Variants in ASIC3 observed in about 807,000 individuals in gnomAD.
ASIC3 encodes the protein acid-sensing ion channel 3.
ASIC3 carries 46 observed loss-of-function variants against 58.6 expected under a neutral mutation model. The observed-to-expected ratio is 0.79, with a 90% CI of 0.62 to 1.00. The LOEUF (loss-of-function observed/expected upper bound fraction) is 1.00. Ranked by LOEUF, ASIC3 falls within the 50% of genes least tolerant of loss-of-function variation. The pLI is 0.00. For missense variants in ASIC3, 770 were observed against 735.0 expected, an observed-to-expected ratio of 1.05 and a Z score of -0.55; for synonymous variants, 336 against 300.2, an observed-to-expected ratio of 1.12 and a Z score of -1.23.
chr7:151,048,738 T>C lies in ASIC3; in HGVS notation c.-148T>C. 1 of 989,038 alleles carries C rather than the reference T, an allele frequency of 1.0e-6. No homozygotes were observed. The highest frequency in any genetic ancestry group is 2.4e-5 in the Admixed American group (1 of 42,236). 61.3% of individuals were successfully genotyped at this position (989,038 alleles called of 1,614,324 possible). A position where few individuals can be genotyped will look rare whatever the true frequency, so the allele number is the denominator to read the frequency against. ...CAATCCTGCCAGGCTAGTGCCTCCC[T>C]GCCTTCCAACCTTGGCTGTCTCCCA... On this transcript the variant is annotated 5_prime_UTR_variant, in exon 1 of 11. Transcript: ENST00000349064.
In ASIC3 at chr7:151,052,679, C is replaced by A; in HGVS notation, c.*27C>A. 1 of 1,614,138 alleles carries A rather than the reference C, an allele frequency of 6.2e-7. No homozygotes were observed. The highest frequency in any genetic ancestry group is 8.5e-7 in the Non-Finnish European group (1 of 1,180,004). On this transcript the variant is annotated 3_prime_UTR_variant, in exon 11 of 11. Transcript: ENST00000349064. This position sits in a 1 kb window ranked among gnomAD's most constrained non-coding sequence, Gnocchi z 5.0. ...CCTGCTGTCTGTGTCCTCGGAGCCC[C>A]GCCCTGACATCCTGGACATGCCTAG...
chr7:151,048,920 G>A lies in ASIC3; in HGVS notation c.35G>A (p.Arg12Gln), dbSNP rs532400592. The A allele has an allele frequency of 7.6e-5, 118 of 1,562,004 alleles. 1 individual carries two copies. The South Asian group carries it at 1.1e-3, about 15-fold the overall frequency. The change falls in exon 1 of 11, where the codon CGG (arginine) becomes CAG (glutamine). Residue 12 changes from arginine (R) to glutamine (Q), a missense_variant. Arg to Gln is a conservative substitution (Grantham distance 43). Coordinates refer to ENST00000349064, the MANE Select transcript of ASIC3 (RefSeq NM_004769.4). Reference protein sequence around the residue: ...KPTSGPEEARRPASDIRVFAS... With the variant: ...KPTSGPEEARQPASDIRVFAS... ...ACCTCAGGCCCAGAGGAGGCCCGGCGGCCAGCCTCGGACATCCGCGTGTTC... is the reference window on the plus strand; with the variant it reads ...ACCTCAGGCCCAGAGGAGGCCCGGCAGCCAGCCTCGGACATCCGCGTGTTC...
chr7:151,052,610 C>T lies in ASIC3; in HGVS notation c.1554C>T (p.Leu518=), dbSNP rs3192795. The T allele has an allele frequency of 4.3e-6, 7 of 1,613,980 alleles. No homozygotes were observed. The highest frequency in any genetic ancestry group is 4.2e-6 in the Non-Finnish European group (5 of 1,180,004). The part of the protein sequence containing the change: ...PTPPCAVTKT[L]SASHRTCYLV... Reference sequence around the variant, plus strand: ...CTCCCTGTGCCGTCACCAAGACTCTCTCCGCCTCCCACCGCACCTGCTACC... The same window carrying T: ...CTCCCTGTGCCGTCACCAAGACTCTTTCCGCCTCCCACCGCACCTGCTACC... Residue 518 remains leucine, a synonymous_variant, in exon 11 of 11, where the codon CTC becomes CTT. Coordinates refer to ENST00000349064, the MANE Select transcript of ASIC3 (RefSeq NM_004769.4). This position sits in a 1 kb window ranked among gnomAD's most constrained non-coding sequence, Gnocchi z 5.0.
intron 1 of ASIC3, among the ~76,000 whole-genome samples, chr7:151,049,885 G>A (rs1356974519): frequency 6.6e-6 from 1 of 152,238 alleles, no homozygotes; most frequent in East Asian, 1.9e-4. Flanking sequence ...TGTAGGCTGT[G>A]CCCTGGGCTT....
Position 151,052,527 on chromosome 7 carries a change from C to T in ASIC3, c.1518-47C>T, listed in dbSNP as rs1796808551. ...AGGGAGGGCAGGGGCAGGCTCAGGACAGTGGGTGTGCCCGTTCCCACCCCA... is the reference window on the plus strand; with the variant it reads ...AGGGAGGGCAGGGGCAGGCTCAGGATAGTGGGTGTGCCCGTTCCCACCCCA... On this transcript the variant is annotated intron_variant, in intron 10 of 10. Coordinates refer to ENST00000349064, the MANE Select transcript of ASIC3 (RefSeq NM_004769.4). This position sits in a 1 kb window ranked among gnomAD's most constrained non-coding sequence, Gnocchi z 5.0. The T allele has an allele frequency of 6.2e-7, 1 of 1,613,702 alleles. No individual in the cohort carries two copies.
chr7:151,051,627 A>C (rs912950371), intron 6 of ASIC3, among the ~76,000 whole-genome samples, 183 bp from the exon 7 acceptor site: 1 of 151,612 alleles, frequency 6.6e-6, no homozygotes, highest in Non-Finnish European at 1.5e-5. Flanking sequence ...GGCTGGTCTC[A>C]AACTCCTGGC....
At chr7:151,050,700 C>T (rs1796749478) in intron 3 of ASIC3, 58 bp from the exon 4 acceptor site, 1 of 1,605,438 alleles carries the variant, frequency 6.2e-7, no homozygotes, top group African/African-American at 1.3e-5. Flanking sequence ...CTAGGGGCCT[C>T]TCCCCAGCTG....
In ASIC3 at chr7:151,051,166, C is replaced by T. The variant is rs367577120; in HGVS notation, c.1067-6C>T. ...CGGGCGTCTGACGCGGCCCGGTGGC[C>T]CGCAGATGCCATGCTTCGCAAGGAC... is the stretch of plus-strand genomic sequence containing the variant. On this transcript the variant is annotated splice_polypyrimidine_tract_variant and splice_region_variant and intron_variant, in intron 5 of 10. Transcript: ENST00000349064. The T allele has an allele frequency of 4.4e-6, 7 of 1,594,920 alleles. No individual in the cohort carries two copies. Among genetic ancestry groups the T allele is most frequent in the African/African-American group, 4.0e-5 (3 of 74,442 alleles).
rs535528995 is a variant in ASIC3, at chr7:151,051,517, T to G, written c.1214+198T>G. On this transcript the variant is annotated intron_variant, in intron 6 of 10. Transcript: ENST00000349064. The stretch of plus-strand genomic sequence containing the variant: ...GCTGACGCCTCCTCCCAGGGGTCTG[T>G]TTTTTTTTCCTTTCCTTTTATTTTT... Among the ~76,000 whole-genome samples, 742 of 149,482 alleles carry G rather than the reference T, an allele frequency of 5.0e-3. 5 individuals carry two copies. The highest frequency in any genetic ancestry group is 0.017 in the African/African-American group (697 of 40,404).
In ASIC3 at chr7:151,048,747, A is replaced by T. The variant is rs1019433519; in HGVS notation, c.-139A>T. 16 of 1,094,650 alleles carry T rather than the reference A, an allele frequency of 1.5e-5. No individual in the cohort carries two copies. The highest frequency in any genetic ancestry group is 7.0e-5 in the Admixed American group (3 of 42,602). 67.8% of individuals were successfully genotyped at this position (1,094,650 alleles called of 1,614,324 possible). A position where few individuals can be genotyped will look rare whatever the true frequency, so the allele number is the denominator to read the frequency against. ...CAGGCTAGTGCCTCCCTGCCTTCCA[A>T]CCTTGGCTGTCTCCCACCCTCTCTT... On this transcript the variant is annotated 5_prime_UTR_variant, in exon 1 of 11. Coordinates refer to ENST00000349064, the MANE Select transcript of ASIC3 (RefSeq NM_004769.4).
Position 151,050,191 on chromosome 7 carries a change from G to C in ASIC3, c.620G>C (p.Gly207Ala). ...CTCACCACTACTAGGGGTGGCATGGGCAATGGGCTGGACATCATGCTGGAC... is the reference window on the plus strand; with the variant it reads ...CTCACCACTACTAGGGGTGGCATGGCCAATGGGCTGGACATCATGCTGGAC... ...ELLTTTRGGM[G>A]NGLDIMLDVQ... Residue 207 changes from glycine (G) to alanine (A), a missense_variant, in exon 2 of 11, where the codon GGC becomes GCC. By Grantham distance (60) the Gly-to-Ala change is moderately conservative (BLOSUM62 0). Transcript: ENST00000349064. 6.2e-7 allele frequency: 1 copy of C among 1,614,126 alleles called. No homozygotes were observed.
chr7:151,051,027 C>G lies in ASIC3; in HGVS notation c.1010-12C>G, dbSNP rs760374529. ...GAGGCTGCTTCTAAAGCCATCTCCCCGGTACCCGCAGGCGACGTGCCAGTG... is the reference window on the plus strand; with the variant it reads ...GAGGCTGCTTCTAAAGCCATCTCCCGGGTACCCGCAGGCGACGTGCCAGTG... On this transcript the variant is annotated splice_polypyrimidine_tract_variant and intron_variant, in intron 4 of 10. Transcript: ENST00000349064. 3.7e-6 allele frequency: 6 copies of G among 1,613,192 alleles called. No individual in the cohort carries two copies. Among genetic ancestry groups the G allele is most frequent in the Non-Finnish European group, 4.2e-6 (5 of 1,180,000 alleles).
At chr7:151,049,941 A>C (rs1452227097) in intron 1 of ASIC3, 165 bp from the exon 2 acceptor site, 1 of 870,020 alleles carries the variant, frequency 1.1e-6, no homozygotes, top group African/African-American at 1.7e-5. Flanking sequence ...TGGGCTCCCA[A>C]GAGCGTCCTG....
At chr7:151,051,777 C>T in intron 6 of ASIC3, 33 bp from the exon 7 acceptor site, 1 of 1,606,232 alleles carries the variant, frequency 6.2e-7, no homozygotes, top group Non-Finnish European at 8.5e-7. Context: ...CAGGCGGTGG[C>T]CAGCCCACAT....
intron 1 of ASIC3, 131 bp from the exon 2 acceptor site, chr7:151,049,975 G>A (rs1796727944): frequency 8.2e-7 from 1 of 1,226,356 alleles, no homozygotes; most frequent in East Asian, 2.5e-5. Flanking sequence ...CTGGAGCGTG[G>A]GGCTGGGGGC....
At chr7:151,051,527 CTT>C (rs1796780084) in intron 6 of ASIC3, among the ~76,000 whole-genome samples, 1 of 131,100 alleles carries the variant, frequency 7.6e-6, no homozygotes, top group Admixed American at 8.5e-5. Flanking sequence ...TTTTTTTTTC[CTT>C]TCCTTTTATT....
chr7:151,050,132 C>T lies in ASIC3; in HGVS notation c.561C>T (p.Tyr187=). The T allele has an allele frequency of 3.1e-6, 5 of 1,614,174 alleles. No homozygotes were observed. Among genetic ancestry groups the T allele is most frequent in the Non-Finnish European group, 4.2e-6 (5 of 1,180,022 alleles). Residue 187 remains tyrosine (Y), a synonymous_variant, in exon 2 of 11, where the codon TAC becomes TAT. Transcript: ENST00000349064. The stretch of plus-strand genomic sequence containing the variant: ...TCTTCACCCGGATGGGAAAGTGCTA[C>T]ACATTTAACTCTGGCGCTGATGGGG... ...TTIFTRMGKC[Y]TFNSGADGAE... is the part of the protein sequence containing the mutation.
chr7:151,049,659 T>A (rs1177012191), intron 1 of ASIC3, among the ~76,000 whole-genome samples: 2 of 152,224 alleles, frequency 1.3e-5, no homozygotes, highest in Non-Finnish European at 2.9e-5. Context: ...TGACCCCGGC[T>A]GGCCCTAGGC....
rs1796688904 is a variant in ASIC3, at chr7:151,048,817, A to C, written c.-69A>C. Reference sequence around the variant, plus strand: ...TCCTGAATCCTATCTTAGCCTCCTTAGCCCCCTGACTGACTCTCTCTCGCT... The same window carrying C: ...TCCTGAATCCTATCTTAGCCTCCTTCGCCCCCTGACTGACTCTCTCTCGCT... On this transcript the variant is annotated 5_prime_UTR_variant, in exon 1 of 11. Coordinates refer to ENST00000349064, the MANE Select transcript of ASIC3 (RefSeq NM_004769.4). 1 of 1,502,212 alleles carries C rather than the reference A, an allele frequency of 6.7e-7. No homozygotes were observed. 93.1% of individuals were successfully genotyped at this position (1,502,212 alleles called of 1,614,324 possible). A position where few individuals can be genotyped will look rare whatever the true frequency, so the allele number is the denominator to read the frequency against.
Sources: gnomAD v4.1 joint callset for allele counts (sites outside exome capture counted in the v4.1 genomes callset) on GRCh38, gnomAD v4.1.1 for gene constraint, Gnocchi (gnomAD v3.1) non-coding constraint, MANE v1.5 for transcripts, NCBI Gene and HGNC (gene_info 2026-07-23, HGNC 2026-07-21) for gene names.